Variants in SUPT3H observed in about 807,000 individuals in gnomAD.
SUPT3H encodes SPT3 homolog, SAGA and STAGA complex component.
Under a neutral mutation model 44.3 loss-of-function variants are expected in SUPT3H, and 44 were observed. That is an observed-to-expected ratio of 0.99 (90% CI 0.78 to 1.28). SUPT3H has a LOEUF of 1.28. SUPT3H is among the 50% of genes most tolerant of loss of function. SUPT3H has a pLI of 0.00. For missense variants in SUPT3H, 380 were observed against 387.1 expected, an observed-to-expected ratio of 0.98 and a Z score of 0.15; for synonymous variants, 124 against 125.6, an observed-to-expected ratio of 0.99 and a Z score of 0.09.
intron 10 of SUPT3H, among the ~76,000 whole-genome samples, chr6:44,903,483 A>T (rs2153449398): frequency 6.6e-6 from 1 of 152,344 alleles, no homozygotes; most frequent in East Asian, 1.9e-4. Flanking sequence ...TAAACCAGGA[A>T]GAATTTGAAT....
intron 2 of SUPT3H, among the ~76,000 whole-genome samples, chr6:45,208,330 T>TA (rs1562692807): frequency 6.6e-6 from 1 of 152,124 alleles, no homozygotes; most frequent in African/African-American, 2.4e-5. Context: ...GCCATCTCCA[T>TA]AACATAAAAG....
At chr6:45,090,844 A>T (rs1458406049) in intron 3 of SUPT3H, among the ~76,000 whole-genome samples, 1 of 151,894 alleles carries the variant, frequency 6.6e-6, no homozygotes, top group African/African-American at 2.4e-5. Flanking sequence ...ACATTTTATT[A>T]GGAATACAGT....
At chr6:45,022,212 G>T (rs1444148397) in intron 3 of SUPT3H, among the ~76,000 whole-genome samples, 1 of 151,974 alleles carries the variant, frequency 6.6e-6, no homozygotes, top group Non-Finnish European at 1.5e-5. Context: ...ACAGACACAT[G>T]TAATTTTACT....
At chr6:44,881,795 T>A (rs1778261598) in intron 10 of SUPT3H, among the ~76,000 whole-genome samples, 1 of 152,076 alleles carries the variant, frequency 6.6e-6, no homozygotes, top group Admixed American at 6.6e-5. Flanking sequence ...ACTGGGTAAA[T>A]AATAAAATTA....
intron 2 of SUPT3H, chr6:45,159,611 C>A (rs1382861276): frequency 6.6e-6 from 1 of 152,094 alleles, no homozygotes; most frequent in Non-Finnish European, 1.5e-5. Context: ...AGTCAGAGAT[C>A]CTGTTTTAAA....
At chr6:44,883,452 C>T (rs1484129019) in intron 10 of SUPT3H, among the ~76,000 whole-genome samples, 1 of 152,106 alleles carries the variant, frequency 6.6e-6, no homozygotes, top group Non-Finnish European at 1.5e-5. Context: ...CATACTGCCC[C>T]AAAGTAATTT....
rs995270672 is a variant in SUPT3H at position 45,355,298 on chromosome 6, A to G, written c.101+9903T>C. On this transcript the variant is annotated intron_variant, in intron 2 of 10. Transcript: ENST00000371459. ...TTTAATTTAATTTAATTTAATAATT[A>G]AGGTGTTAATTATGAACTTTCTGTA... Among the ~76,000 whole-genome samples, 4 of 152,168 alleles carry G rather than the reference A, an allele frequency of 2.6e-5. No homozygotes were observed. In the South Asian group the frequency reaches 8.3e-4, roughly 32 times the overall value.
At chr6:44,883,449 C>A (rs907046941) in intron 10 of SUPT3H, among the ~76,000 whole-genome samples, 5 of 152,024 alleles carry the variant, frequency 3.3e-5, no homozygotes, top group African/African-American at 1.2e-4. Context: ...GGCCATACTG[C>A]CCCAAAGTAA....
intron 6 of SUPT3H, among the ~76,000 whole-genome samples, chr6:44,964,710 G>A (rs1776541713): frequency 6.6e-6 from 1 of 151,920 alleles, no homozygotes; most frequent in Non-Finnish European, 1.5e-5. Flanking sequence ...TTGATCTGAG[G>A]AGCCCCACAA....
In SUPT3H at chr6:44,880,130, G is replaced by A. The variant is rs181919961; in HGVS notation, c.913-50273C>T. Among the ~76,000 whole-genome samples, 19 of 152,066 alleles carry A rather than the reference G, an allele frequency of 1.2e-4. No individual in the cohort carries two copies. In the East Asian group the frequency reaches 3.1e-3, roughly 25 times the overall value. ...AAGGTGGGTAATAACAAACTTCTCC[G>A]AGCTAAAGGAGCATATTCCAACCCA... On this transcript the variant is annotated intron_variant, in intron 10 of 10. Transcript: ENST00000371459.
At chr6:44,956,484 T>TA (rs1355247914) in intron 7 of SUPT3H, among the ~76,000 whole-genome samples, 9 of 2,722 alleles carry the variant, frequency 3.3e-3, no homozygotes, top group South Asian at 0.022. Context: ...AAAAAAAAAA[T>TA]AAAAAAAAAA....
At chr6:44,879,452 T>A (rs1333011554) in intron 10 of SUPT3H, among the ~76,000 whole-genome samples, 1 of 152,162 alleles carries the variant, frequency 6.6e-6, no homozygotes, top group Non-Finnish European at 1.5e-5. Context: ...AAAGCTCCCA[T>A]CTTCCTGGGA....
chr6:45,202,285 A>G (rs191777104), intron 2 of SUPT3H, among the ~76,000 whole-genome samples: 377 of 152,076 alleles, frequency 2.5e-3, no homozygotes, highest in African/African-American at 8.1e-3. Flanking sequence ...CTTCCTTGGA[A>G]CGTTTACAAA....
In SUPT3H at chr6:45,289,294, AC is replaced by A. The variant is rs761103754; in HGVS notation, c.101+75906del. Among the ~76,000 whole-genome samples the A allele has an allele frequency of 5.9e-5, 9 of 152,270 alleles. No individual in the cohort carries two copies. In the East Asian group the frequency reaches 1.5e-3, roughly 26 times the overall value. On this transcript the variant is annotated intron_variant, in intron 2 of 10. Transcript: ENST00000371459. ...AATCATGTATTATAAATAAAAAAGAACCGTAAGAAGAGCCAAAATAAGATAT... is the reference window on the plus strand; with the variant it reads ...AATCATGTATTATAAATAAAAAAGAACGTAAGAAGAGCCAAAATAAGATAT...
intron 3 of SUPT3H, among the ~76,000 whole-genome samples, chr6:45,076,565 CT>C (rs1795028442): frequency 6.6e-6 from 1 of 151,502 alleles, no homozygotes; most frequent in South Asian, 2.1e-4. Flanking sequence ...CTCTTCCAAA[CT>C]TTAGTCAATG....
chr6:45,037,193 C>T (rs1045009055), intron 3 of SUPT3H, among the ~76,000 whole-genome samples: 7 of 151,528 alleles, frequency 4.6e-5, no homozygotes, highest in East Asian at 3.9e-4. Flanking sequence ...AGAGCCAAAA[C>T]GATGACCAAT....
At chr6:45,233,399 G>A (rs1246876818) in intron 2 of SUPT3H, among the ~76,000 whole-genome samples, 1 of 152,230 alleles carries the variant, frequency 6.6e-6, no homozygotes, top group African/African-American at 2.4e-5. Context: ...TCTCAGGTGT[G>A]TGAGTGAGCC....
chr6:45,127,488 G>T (rs757792140), intron 2 of SUPT3H, among the ~76,000 whole-genome samples: 14 of 152,212 alleles, frequency 9.2e-5, no homozygotes, highest in South Asian at 8.3e-4. Context: ...GAAAAATGAT[G>T]CACTAAGAGA....
chr6:45,083,926 G>A (rs571305750), intron 3 of SUPT3H, among the ~76,000 whole-genome samples: 1 of 152,264 alleles, frequency 6.6e-6, no homozygotes, highest in South Asian at 2.1e-4. Context: ...TAGCTAGCCA[G>A]TTATCCCAGC....
Sources: gnomAD v4.1 joint callset for allele counts (sites outside exome capture counted in the v4.1 genomes callset) on GRCh38, gnomAD v4.1.1 for gene constraint, MANE v1.5 for transcripts, NCBI Gene and HGNC (gene_info 2026-07-23, HGNC 2026-07-21) for gene names.